SLC12A2: variants seen among roughly 807,000 people sequenced by gnomAD.
SLC12A2 encodes the protein solute carrier family 12 member 2.
In SLC12A2, 67 loss-of-function variants were observed where a neutral mutation model predicts 136.3. That is an observed-to-expected ratio of 0.49 (90% CI 0.40 to 0.60). The LOEUF is 0.60. Among genes scored for constraint, SLC12A2 ranks in the 20% least tolerant of loss-of-function variants. The pLI is 0.00. For synonymous variants in SLC12A2, 619 were observed against 562.9 expected, an observed-to-expected ratio of 1.10 and a Z score of -1.41; for missense variants, 1,322 against 1,534.7, an observed-to-expected ratio of 0.86 and a Z score of 2.32.
Position 128,174,521 on chromosome 5 carries a change from A to C in SLC12A2, c.2804-20A>C, listed in dbSNP as rs757633012. 12 of 1,568,908 alleles carry C rather than the reference A, an allele frequency of 7.6e-6. No homozygotes were observed. The African/African-American group carries it at 1.6e-4, about 21-fold the overall frequency. ...TAAAATATGACTTAGATACTATTTTAAATAATTTTCTGTCTACAGAAGAAT... is the reference window on the plus strand; with the variant it reads ...TAAAATATGACTTAGATACTATTTTCAATAATTTTCTGTCTACAGAAGAAT... On this transcript the variant is annotated intron_variant, in intron 19 of 26. Transcript: ENST00000262461.
intron 1 of SLC12A2, among the ~76,000 whole-genome samples, chr5:128,111,648 C>A (rs1208824501): frequency 6.6e-6 from 1 of 151,554 alleles, no homozygotes; most frequent in Non-Finnish European, 1.5e-5. Flanking sequence ...GCCTGTAGTC[C>A]CAGCTACTCG....
At chr5:128,094,767 A>C (rs1255739173) in intron 1 of SLC12A2, among the ~76,000 whole-genome samples, 1 of 152,142 alleles carries the variant, frequency 6.6e-6, no homozygotes, top group African/African-American at 2.4e-5. Flanking sequence ...AGTATGATAT[A>C]AATTTTTAAA....
Position 128,083,886 on chromosome 5 carries a change from A to C in SLC12A2, c.-69A>C. The C allele has an allele frequency of 8.9e-7, 1 of 1,122,800 alleles. No individual in the cohort carries two copies. Among genetic ancestry groups the C allele is most frequent in the Non-Finnish European group, 1.1e-6 (1 of 894,374 alleles). The allele number at this position is 1,122,800 out of a possible 1,614,324, so 69.6% of individuals were successfully genotyped here. A position where few individuals can be genotyped will look rare whatever the true frequency, so the allele number is the denominator to read the frequency against. ...CTTGCGGCTGTGGCCACCGCCGGCC[A>C]GGGGTGTGGAGGGCGTGCTGCCGGA... On this transcript the variant is annotated 5_prime_UTR_variant, in exon 1 of 27. Coordinates refer to ENST00000262461, the MANE Select transcript of SLC12A2 (RefSeq NM_001046.3).
In SLC12A2 at chr5:128,134,248, A is replaced by G; in HGVS notation, c.1272A>G (p.Ser424=). ...AITVVILLGI[S]VAGMEWEAKA... is the part of the protein sequence containing the mutation. ...CAGTCGTGATTCTTTTAGGTATCTC[A>G]GTAGCTGGAATGGAGTGGGAAGCAA... The change falls in exon 6 of 27, where the codon TCA becomes TCG. Residue 424 remains serine (S), a synonymous_variant. Transcript: ENST00000262461. 1 of 1,594,062 alleles carries G rather than the reference A, an allele frequency of 6.3e-7. No individual in the cohort carries two copies.
rs1452401676 is a variant in SLC12A2, at chr5:128,161,600, GTA to G, written c.2476-57_2476-56del. On this transcript the variant is annotated intron_variant, in intron 16 of 26. Transcript: ENST00000262461. ...GCCAGTATAACAGGATGAATCATTT[GTA>G]TAAATGTGAAGTTGCTTACCTTTTA... is the stretch of plus-strand genomic sequence containing the variant. 6 of 1,076,530 alleles carry G rather than the reference GTA, an allele frequency of 5.6e-6. No individual in the cohort carries two copies. The Admixed American group carries it at 2.1e-4, about 37-fold the overall frequency. The allele number at this position is 1,076,530 out of a possible 1,614,324, so 66.7% of individuals were successfully genotyped here. A position where few individuals can be genotyped will look rare whatever the true frequency, so the allele number is the denominator to read the frequency against.
chr5:128,164,382 C>CTT (rs1457274661), intron 17 of SLC12A2, among the ~76,000 whole-genome samples: 1 of 152,148 alleles, frequency 6.6e-6, no homozygotes, highest in African/African-American at 2.4e-5. Flanking sequence ...CATGACAACT[C>CTT]TATCAGTGTG....
chr5:128,158,865 G>GTTT (rs67676665), intron 16 of SLC12A2, among the ~76,000 whole-genome samples: 2 of 135,890 alleles, frequency 1.5e-5, no homozygotes, highest in African/African-American at 5.3e-5. Flanking sequence ...CAGCATCTGT[G>GTTT]TTTTTTTTTT....
chr5:128,099,301 A>G (rs1318628702), intron 1 of SLC12A2, among the ~76,000 whole-genome samples: 1 of 152,188 alleles, frequency 6.6e-6, no homozygotes, highest in African/African-American at 2.4e-5. Flanking sequence ...AAGTATTTAC[A>G]TATTCACACA....
rs953278556 is a variant in SLC12A2, at chr5:128,110,256, G to A, written c.757-2558G>A. On this transcript the variant is annotated intron_variant, in intron 1 of 26. Coordinates refer to ENST00000262461, the MANE Select transcript of SLC12A2 (RefSeq NM_001046.3). ...TCAAACATCCATCCGACCTTTTCCT[G>A]GTGTGGCTCCACAGATTCCAAGGAT... The A allele has an allele frequency of 6.2e-6, 5 of 808,520 alleles. No homozygotes were observed. The Admixed American group carries it at 8.5e-5, about 14-fold the overall frequency. 50.1% of individuals were successfully genotyped at this position (808,520 alleles called of 1,614,324 possible). A position where few individuals can be genotyped will look rare whatever the true frequency, so the allele number is the denominator to read the frequency against.
intron 12 of SLC12A2, among the ~76,000 whole-genome samples, chr5:128,149,099 T>G (rs960414618): frequency 6.6e-6 from 1 of 151,816 alleles, no homozygotes; most frequent in African/African-American, 2.4e-5. Flanking sequence ...AGGCTCTTTT[T>G]CCTAAAACAA....
Position 128,084,233 on chromosome 5 carries a change from C to T in SLC12A2, c.279C>T (p.Ala93=), listed in dbSNP as rs1320829080. The change falls in exon 1 of 27, where the codon GCC becomes GCT. Residue 93 remains alanine (A), a synonymous_variant. Coordinates refer to ENST00000262461, the MANE Select transcript of SLC12A2 (RefSeq NM_001046.3). The surrounding 1 kb of genome is among the most constrained non-coding windows in gnomAD (Gnocchi z 5.6). ...TGGTTTCCGAGAACGCCGGGCGGGC[C>T]GCTGCTGCGGCGGCGGCGGCGGCGG... ...VDLVSENAGR[A]AAAAAAAAAA... 1.6e-6 allele frequency: 2 copies of T among 1,278,456 alleles called. No homozygotes were observed. The highest frequency in any genetic ancestry group is 4.2e-5 in the Admixed American group (1 of 23,598). 79.2% of individuals were successfully genotyped at this position (1,278,456 alleles called of 1,614,324 possible). A position where few individuals can be genotyped will look rare whatever the true frequency, so the allele number is the denominator to read the frequency against.
intron 5 of SLC12A2, among the ~76,000 whole-genome samples, 174 bp downstream of exon 5, chr5:128,131,380 T>C (rs1762017092): frequency 6.6e-6 from 1 of 152,122 alleles, no homozygotes; most frequent in African/African-American, 2.4e-5. Context: ...ATGTCAGCAG[T>C]GGGCCGGGCG....
chr5:128,157,987 A>C (rs17164310), intron 15 of SLC12A2, 66 bp from the exon 16 acceptor site: 1 of 1,340,876 alleles, frequency 7.5e-7, no homozygotes, highest in Non-Finnish European at 1.1e-6. Context: ...TAGGGAAACA[A>C]CTTAAAATCT....
intron 1 of SLC12A2, among the ~76,000 whole-genome samples, chr5:128,103,891 GA>G (rs1760831388): frequency 6.6e-6 from 1 of 152,116 alleles, no homozygotes; most frequent in Non-Finnish European, 1.5e-5. Flanking sequence ...AAAATTCAAG[GA>G]AAATTAAATA....
chr5:128,121,658 T>C (rs115951607), intron 4 of SLC12A2, among the ~76,000 whole-genome samples: 189 of 152,282 alleles, frequency 1.2e-3, no homozygotes, highest in African/African-American at 4.4e-3. Flanking sequence ...GGAAGCAGAT[T>C]AGAGAATCAT....
chr5:128,154,172 G>T (rs1233113300), intron 15 of SLC12A2, among the ~76,000 whole-genome samples: 1 of 152,056 alleles, frequency 6.6e-6, no homozygotes, highest in Non-Finnish European at 1.5e-5. Context: ...ATCACTTTGG[G>T]AGGCTGAGGC....
chr5:128,111,893 A>C (rs578244731), intron 1 of SLC12A2, among the ~76,000 whole-genome samples: 3 of 152,080 alleles, frequency 2.0e-5, no homozygotes, highest in African/African-American at 7.2e-5. Context: ...ATGTTTTAAA[A>C]ATTTAGTTGG....
chr5:128,087,616 A>C (rs1462123984), intron 1 of SLC12A2, among the ~76,000 whole-genome samples: 1 of 152,078 alleles, frequency 6.6e-6, no homozygotes, highest in Non-Finnish European at 1.5e-5. Flanking sequence ...GGAGATAACT[A>C]TTTTTCATTA....
At chr5:128,158,874 T>TGA (rs1762946858) in intron 16 of SLC12A2, among the ~76,000 whole-genome samples, 1 of 151,836 alleles carries the variant, frequency 6.6e-6, no homozygotes, top group Non-Finnish European at 1.5e-5. Flanking sequence ...TGTTTTTTTT[T>TGA]TTTTTTGACT....
Sources: allele counts gnomAD v4.1 joint callset (sites outside exome capture counted in the v4.1 genomes callset), GRCh38; gene constraint gnomAD v4.1.1; non-coding constraint Gnocchi (gnomAD v3.1); transcripts MANE v1.5; gene names NCBI Gene and HGNC (gene_info 2026-07-23, HGNC 2026-07-21).